The following AFF1 variants were observed in gnomAD, a reference collection of about 807,000 sequenced individuals.
AFF1 encodes the protein ALF transcription elongation factor 1.
A neutral mutation model predicts 121.7 loss-of-function variants in AFF1; 48 were observed. The observed-to-expected ratio is 0.39, with a 90% CI of 0.31 to 0.50. The LOEUF is 0.50. Ranked by LOEUF, AFF1 falls within the 20% of genes least tolerant of loss-of-function variation. The pLI is 0.76. For missense variants in AFF1, 1,523 were observed against 1,511.7 expected (o/e 1.01, Z -0.12); for synonymous variants, 613 against 563.0 (o/e 1.09, Z -1.26).
rs1013976771 is a variant in AFF1, at chr4:87,138,449, G to A, written c.*2748G>A. ...GTAAGACAAATGCAAAGCATCTTAAGGAGTGAAAATAGAGTGTAAATCTTG... is the reference window on the plus strand; with the variant it reads ...GTAAGACAAATGCAAAGCATCTTAAAGAGTGAAAATAGAGTGTAAATCTTG... On this transcript the variant is annotated 3_prime_UTR_variant, in exon 21 of 21. Coordinates refer to ENST00000395146, the MANE Select transcript of AFF1 (RefSeq NM_001166693.3). The A allele has an allele frequency of 4.3e-6, 1 of 232,256 alleles. No homozygotes were observed. Among genetic ancestry groups the A allele is most frequent in the Admixed American group, 5.6e-5 (1 of 17,730 alleles). The allele number at this position is 232,256 out of a possible 1,614,324, so 14.4% of individuals were successfully genotyped here.
chr4:87,060,385 T>C (rs1183830265), intron 4 of AFF1, among the ~76,000 whole-genome samples: 1 of 152,220 alleles, frequency 6.6e-6, no homozygotes, highest in Non-Finnish European at 1.5e-5. Flanking sequence ...TTCTTAAAAG[T>C]AATGCATATA....
At chr4:86,974,354 T>G (rs916588231) in intron 2 of AFF1, among the ~76,000 whole-genome samples, 3 of 152,282 alleles carry the variant, frequency 2.0e-5, no homozygotes, top group Middle Eastern at 3.4e-3. Flanking sequence ...TTTACCATGT[T>G]GGCCAGATTG....
intron 2 of AFF1, among the ~76,000 whole-genome samples, chr4:86,958,380 C>T (rs984265691): frequency 5.9e-5 from 9 of 152,120 alleles, no homozygotes; most frequent in East Asian, 1.9e-4. Context: ...CGTGAGTCAC[C>T]GTGCCCGGCC....
intron 2 of AFF1, among the ~76,000 whole-genome samples, chr4:87,012,871 CCTTTT>C (rs1726919909): frequency 6.6e-6 from 1 of 152,048 alleles, no homozygotes; most frequent in Admixed American, 6.6e-5. Flanking sequence ...CAAACTTTTT[CCTTTT>C]CTTATCTGTT....
intron 2 of AFF1, among the ~76,000 whole-genome samples, chr4:86,999,180 T>C (rs1387945797): frequency 2.0e-5 from 3 of 152,210 alleles, no homozygotes; most frequent in Admixed American, 2.0e-4. Flanking sequence ...TTATTGCTGA[T>C]CTTCACAGTT....
intron 2 of AFF1, among the ~76,000 whole-genome samples, chr4:87,038,659 C>T (rs1452922431): frequency 6.6e-6 from 1 of 152,132 alleles, no homozygotes; most frequent in Non-Finnish European, 1.5e-5. Flanking sequence ...GCTGGGATTG[C>T]CGAACTTTTG....
At chr4:86,944,570 T>G (rs554775682) in intron 1 of AFF1, among the ~76,000 whole-genome samples, 5 of 152,270 alleles carry the variant, frequency 3.3e-5, no homozygotes, top group Admixed American at 3.3e-4. Context: ...CGTCTTGATT[T>G]CCTGACCTCG....
chr4:87,114,507 C>T lies in AFF1; in HGVS notation c.1674C>T (p.Ala558=), dbSNP rs753014008. ...HPESKGSSDS[A]TSQEHSESKD... ...AGAGTAAGGGCAGCAGCGACAGTGC[C>T]ACGAGTCAGGAGCATTCTGAATCCA... Residue 558 remains alanine (A), a synonymous_variant, in exon 12 of 21, where the codon GCC becomes GCT. Coordinates refer to ENST00000395146, the MANE Select transcript of AFF1 (RefSeq NM_001166693.3). 14 of 1,613,498 alleles carry T rather than the reference C, an allele frequency of 8.7e-6. No homozygotes were observed. The highest frequency in any genetic ancestry group is 7.7e-5 in the South Asian group (7 of 91,066).
intron 12 of AFF1, among the ~76,000 whole-genome samples, chr4:87,119,449 A>G (rs2149779758): frequency 6.6e-6 from 1 of 151,898 alleles, no homozygotes; most frequent in Admixed American, 6.6e-5. Flanking sequence ...CGCATGCCTG[A>G]GGTCCCAGCT....
intron 12 of AFF1, among the ~76,000 whole-genome samples, chr4:87,123,678 A>AT (rs969687246): frequency 1.3e-5 from 2 of 152,078 alleles, no homozygotes; most frequent in Non-Finnish European, 2.9e-5. Context: ...GGAGAAGGGA[A>AT]TTTTGTTTTT....
intron 11 of AFF1, 65 bp downstream of exon 11, chr4:87,108,380 C>A: frequency 6.4e-7 from 1 of 1,556,804 alleles, no homozygotes. Flanking sequence ...AAGTTAGAGT[C>A]AGTGCTGTGG....
intron 10 of AFF1, among the ~76,000 whole-genome samples, chr4:87,106,730 G>GT (rs777954001): frequency 1.3e-4 from 20 of 152,126 alleles, no homozygotes; most frequent in Non-Finnish European, 2.6e-4. Flanking sequence ...AATATGCCAG[G>GT]TACCTGCCTT....
intron 2 of AFF1, among the ~76,000 whole-genome samples, chr4:86,961,135 C>T (rs979105534): frequency 2.6e-5 from 4 of 152,122 alleles, no homozygotes; most frequent in South Asian, 2.1e-4. Flanking sequence ...GTGGGAGACA[C>T]CACCAGTTAA....
chr4:87,021,397 A>C (rs1727884302), intron 2 of AFF1, among the ~76,000 whole-genome samples: 1 of 152,232 alleles, frequency 6.6e-6, no homozygotes, highest in Non-Finnish European at 1.5e-5. Flanking sequence ...GTTTATCCAG[A>C]AGTAAAAATG....
At chr4:87,110,402 A>G (rs1726346545) in intron 11 of AFF1, among the ~76,000 whole-genome samples, 1 of 151,784 alleles carries the variant, frequency 6.6e-6, no homozygotes, top group South Asian at 2.1e-4. Flanking sequence ...GACTACAGTC[A>G]CCCTGTTGTG....
intron 2 of AFF1, among the ~76,000 whole-genome samples, chr4:87,005,867 C>T (rs1726071877): frequency 1.3e-5 from 2 of 152,244 alleles, no homozygotes; most frequent in African/African-American, 4.8e-5. Context: ...TTTGCTGTCA[C>T]TGCTTTGGTT....
chr4:86,950,076 C>G, intron 2 of AFF1: 1 of 1,614,034 alleles, frequency 6.2e-7, no homozygotes. Context: ...GCCATCCACG[C>G]GGCGAAGCCC....
intron 2 of AFF1, among the ~76,000 whole-genome samples, chr4:87,005,792 C>CGCTTAAAAAAAAA (rs1283750385): frequency 1.3e-5 from 2 of 151,912 alleles, no homozygotes; most frequent in Non-Finnish European, 2.9e-5. Flanking sequence ...TAACGACAAT[C>CGCTTAAAAAAAAA]ATAAAGGAAA....
At chr4:87,063,803 G>A (rs1329371683) in intron 4 of AFF1, among the ~76,000 whole-genome samples, 2 of 152,118 alleles carry the variant, frequency 1.3e-5, no homozygotes, top group Non-Finnish European at 2.9e-5. Flanking sequence ...GACATATTGT[G>A]TTAGTAAAAG....
Sources: allele counts gnomAD v4.1 joint callset (sites outside exome capture counted in the v4.1 genomes callset), GRCh38; gene constraint gnomAD v4.1.1; transcripts MANE v1.5; gene names NCBI Gene and HGNC (gene_info 2026-07-23, HGNC 2026-07-21).